The following IGSF9 variants were observed in gnomAD, a reference collection of about 807,000 sequenced individuals.
The protein encoded by IGSF9 is immunoglobulin superfamily member 9.
A neutral mutation model predicts 121.7 loss-of-function variants in IGSF9; 87 were observed. That is an observed-to-expected ratio of 0.71 (90% CI 0.60 to 0.85). IGSF9 has a LOEUF of 0.85. Among genes scored for constraint, IGSF9 ranks in the 40% least tolerant of loss-of-function variants. IGSF9 has a pLI of 0.00. For synonymous variants in IGSF9, 640 were observed against 648.4 expected, an observed-to-expected ratio of 0.99 and a Z score of 0.20; for missense variants, 1,462 against 1,565.3, an observed-to-expected ratio of 0.93 and a Z score of 1.11.
chr1:159,927,956 G>A lies in IGSF9; in HGVS notation c.3231-69C>T, dbSNP rs768477019. 5.1e-6 allele frequency: 8 copies of A among 1,562,756 alleles called. No individual in the cohort carries two copies. In the African/African-American group the frequency reaches 6.9e-5, roughly 13 times the overall value. Reference sequence around the variant, plus strand: ...GAATAGAGGCTGTTCAGAAAAGTCTGAATTCAGCGACCGCAAACTCACGTT... The same window carrying A: ...GAATAGAGGCTGTTCAGAAAAGTCTAAATTCAGCGACCGCAAACTCACGTT... On this transcript the variant is annotated intron_variant, in intron 19 of 20. Transcript: ENST00000368094.
chr1:159,936,928 C>G lies in IGSF9; in HGVS notation c.401-20G>C, dbSNP rs769240341. 16 of 1,613,064 alleles carry G rather than the reference C, an allele frequency of 9.9e-6. No homozygotes were observed. The highest frequency in any genetic ancestry group is 1.7e-4 in the Middle Eastern group (1 of 6,048). Reference sequence around the variant, plus strand: ...GGGGTGCTGCAAGGGAGACAGGCATCAGGGGCCCCAGTGGGGCTGTCAGCC... The same window carrying G: ...GGGGTGCTGCAAGGGAGACAGGCATGAGGGGCCCCAGTGGGGCTGTCAGCC... On this transcript the variant is annotated intron_variant, in intron 4 of 20. Transcript: ENST00000368094.
intron 2 of IGSF9, 90 bp downstream of exon 2, chr1:159,943,307 C>T: frequency 7.2e-7 from 1 of 1,388,778 alleles, no homozygotes; most frequent in Non-Finnish European, 9.6e-7. Context: ...CTCCCCTGCC[C>T]TCACATGCTC....
Position 159,931,973 on chromosome 1 carries a change from A to G in IGSF9, c.1246-45T>C, listed in dbSNP as rs777777298. The G allele has an allele frequency of 2.5e-6, 3 of 1,221,944 alleles. No individual in the cohort carries two copies. The highest frequency in any genetic ancestry group is 3.5e-6 in the Non-Finnish European group (3 of 852,066). 75.7% of individuals were successfully genotyped at this position (1,221,944 alleles called of 1,614,324 possible). A position where few individuals can be genotyped will look rare whatever the true frequency, so the allele number is the denominator to read the frequency against. ...TTGGGAGGGGCCCTCTCTTACATCT[A>G]AGGCTGGCTACTCCCTCTCTCTGTG... On this transcript the variant is annotated intron_variant, in intron 10 of 20. Transcript: ENST00000368094. This position sits in a 1 kb window ranked among gnomAD's most constrained non-coding sequence, Gnocchi z 4.8.
At position 159,937,848 on chromosome 1, in the gene IGSF9, G is replaced by A. The variant is rs979035294; in HGVS notation, c.248-10C>T. 6 of 1,612,152 alleles carry A rather than the reference G, an allele frequency of 3.7e-6. No homozygotes were observed. In the East Asian group the frequency reaches 6.7e-5, roughly 18 times the overall value. ...TGCAGCCGGACTCGTCCTGGGGGAG[G>A]AGCCCTGAATCAAGGGTGCTGAAGG... On this transcript the variant is annotated splice_polypyrimidine_tract_variant and intron_variant, in intron 3 of 20. Coordinates refer to ENST00000368094, the MANE Select transcript of IGSF9 (RefSeq NM_001135050.2).
chr1:159,928,697 G>A lies in IGSF9; in HGVS notation c.2691C>T (p.Pro897=), dbSNP rs1442403031. 2 of 1,478,706 alleles carry A rather than the reference G, an allele frequency of 1.4e-6. No homozygotes were observed. Among genetic ancestry groups the A allele is most frequent in the Non-Finnish European group, 1.8e-6 (2 of 1,113,134 alleles). 91.6% of individuals were successfully genotyped at this position (1,478,706 alleles called of 1,614,324 possible). A position where few individuals can be genotyped will look rare whatever the true frequency, so the allele number is the denominator to read the frequency against. ...CAGGGCTGATGTCTTCAATGCAGAG[G>A]GGCTGGGGTGCCCCACTGGGGCTGC... ...SSSSPSGAPQ[P]LCIEDISPVA... Residue 897 remains proline (P), a synonymous_variant, in exon 19 of 21, where the codon CCC becomes CCT. Coordinates refer to ENST00000368094, the MANE Select transcript of IGSF9 (RefSeq NM_001135050.2).
chr1:159,934,033 A>T, intron 9 of IGSF9, 157 bp downstream of exon 9: 1 of 861,830 alleles, frequency 1.2e-6, no homozygotes, highest in Non-Finnish European at 1.8e-6. Context: ...GGTTTTAAGT[A>T]GTTTCCTATG....
chr1:159,932,726 G>T lies in IGSF9; in HGVS notation c.1105-74C>A. The stretch of plus-strand genomic sequence containing the variant: ...AAGCCCGGGATGGCAGTACAAGAGA[G>T]GGGGCAGGATGAGAAACCCACAGCT... On this transcript the variant is annotated intron_variant, in intron 9 of 20. Transcript: ENST00000368094. This position sits in a 1 kb window ranked among gnomAD's most constrained non-coding sequence, Gnocchi z 4.1. 6.8e-7 allele frequency: 1 copy of T among 1,473,336 alleles called. No individual in the cohort carries two copies. The highest frequency in any genetic ancestry group is 2.1e-5 in the Admixed American group (1 of 48,526). The allele number at this position is 1,473,336 out of a possible 1,614,324, so 91.3% of individuals were successfully genotyped here. A position where few individuals can be genotyped will look rare whatever the true frequency, so the allele number is the denominator to read the frequency against.
Position 159,934,554 on chromosome 1 carries a change from C to A in IGSF9, c.832G>T (p.Val278Leu). The change falls in exon 8 of 21, where the codon GTG (valine) becomes TTG (leucine). Residue 278 changes from valine (V) to leucine (L), a missense_variant. Coordinates refer to ENST00000368094, the MANE Select transcript of IGSF9 (RefSeq NM_001135050.2). The stretch of plus-strand genomic sequence containing the variant: ...AGGCTCCCGTCCACCAGGATCCGCA[C>A]CCGGGGCTGCAGGCGGCTGCAATGT... ...VFHISRLQPR[V>L]RILVDGSLRL... The A allele has an allele frequency of 6.2e-7, 1 of 1,613,882 alleles. No individual in the cohort carries two copies. The highest frequency in any genetic ancestry group is 1.1e-5 in the South Asian group (1 of 91,064).
chr1:159,934,657 C>T (rs1205381259), intron 7 of IGSF9, 24 bp downstream of exon 7: 4 of 1,614,130 alleles, frequency 2.5e-6, no homozygotes, highest in South Asian at 1.1e-5. Flanking sequence ...CCCACCTCCA[C>T]CTTCCTAATG....
chr1:159,927,093 C>CAGAGAGAGAGAGAGAG lies in IGSF9; in HGVS notation c.*251_*252insCTCTCTCTCTCTCTCT. 1.9e-6 allele frequency: 1 copy of CAGAGAGAGAGAGAGAG among 535,944 alleles called. No homozygotes were observed. Among genetic ancestry groups the CAGAGAGAGAGAGAGAG allele is most frequent in the South Asian group, 2.2e-5 (1 of 44,468 alleles). 33.2% of individuals were successfully genotyped at this position (535,944 alleles called of 1,614,324 possible). ...AAAAAACTTCACACACACACACACA[C>CAGAGAGAGAGAGAGAG]ACACAGAGAGAGAGAGAGAGAGAGA... On this transcript the variant is annotated 3_prime_UTR_variant, in exon 21 of 21. Transcript: ENST00000368094.
rs762449091 is a variant in IGSF9, at chr1:159,941,003, G to A, written c.247+1960C>T. 1.1e-3 allele frequency among the ~76,000 whole-genome samples: 172 copies of A among 152,194 alleles called. 2 individuals are homozygous for A. The highest frequency in any genetic ancestry group is 6.2e-4 in the Non-Finnish European group (42 of 68,034). On this transcript the variant is annotated intron_variant, in intron 3 of 20. Coordinates refer to ENST00000368094, the MANE Select transcript of IGSF9 (RefSeq NM_001135050.2). Reference sequence around the variant, plus strand: ...AGGCACTGTGCAGGCACAGGCTGGGGCGCTTTACACACAGCAGCTAACTGA... The same window carrying A: ...AGGCACTGTGCAGGCACAGGCTGGGACGCTTTACACACAGCAGCTAACTGA...
At chr1:159,929,489 G>C (rs1021392104) in intron 17 of IGSF9, 96 bp from the exon 18 acceptor site, 5 of 1,531,618 alleles carry the variant, frequency 3.3e-6, no homozygotes, top group South Asian at 1.2e-5. Flanking sequence ...AACCCCATCC[G>C]GCTGGGAAAA....
In IGSF9 at chr1:159,929,876, A is replaced by C; in HGVS notation, c.2149+15T>G. On this transcript the variant is annotated intron_variant, in intron 16 of 20. Coordinates refer to ENST00000368094, the MANE Select transcript of IGSF9 (RefSeq NM_001135050.2). ...GGAGCAGCCCTGGGGCTCCTCCCTC[A>C]CGCCAGGTGCTCACCGGAAGTGGAG... 1 of 1,577,400 alleles carries C rather than the reference A, an allele frequency of 6.3e-7. No individual in the cohort carries two copies. Among genetic ancestry groups the C allele is most frequent in the South Asian group, 1.2e-5 (1 of 86,432 alleles).
Position 159,929,824 on chromosome 1 carries a change from G to A in IGSF9, c.2150-10C>T. The A allele has an allele frequency of 6.2e-7, 1 of 1,600,158 alleles. No individual in the cohort carries two copies. Among genetic ancestry groups the A allele is most frequent in the Non-Finnish European group, 8.5e-7 (1 of 1,174,120 alleles). On this transcript the variant is annotated splice_polypyrimidine_tract_variant and intron_variant, in intron 16 of 20. Coordinates refer to ENST00000368094, the MANE Select transcript of IGSF9 (RefSeq NM_001135050.2). Reference sequence around the variant, plus strand: ...GGGTAGACCTCCAGACCTAGGCAGGGGTCCACGAGGGAGGGTCAGTGGACT... The same window carrying A: ...GGGTAGACCTCCAGACCTAGGCAGGAGTCCACGAGGGAGGGTCAGTGGACT...
In IGSF9 at chr1:159,931,443, A is replaced by G; in HGVS notation, c.1513+10T>C. The G allele has an allele frequency of 1.2e-6, 2 of 1,610,536 alleles. No individual in the cohort carries two copies. Among genetic ancestry groups the G allele is most frequent in the Non-Finnish European group, 1.7e-6 (2 of 1,177,162 alleles). On this transcript the variant is annotated intron_variant, in intron 12 of 20. Transcript: ENST00000368094. The surrounding 1 kb of genome is among the most constrained non-coding windows in gnomAD (Gnocchi z 4.8). Reference sequence around the variant, plus strand: ...TCTCCCAGCCCCTGGCCCTCTCTCCAGCCACTAACCCAGCACGTAGACGTT... The same window carrying G: ...TCTCCCAGCCCCTGGCCCTCTCTCCGGCCACTAACCCAGCACGTAGACGTT...
chr1:159,929,675 G>C lies in IGSF9; in HGVS notation c.2289C>G (p.Arg763=). The C allele has an allele frequency of 6.3e-7, 1 of 1,595,882 alleles. No homozygotes were observed. Among genetic ancestry groups the C allele is most frequent in the Non-Finnish European group, 8.5e-7 (1 of 1,172,968 alleles). The change falls in exon 17 of 21, where the codon CGC becomes CGG. Residue 763 remains arginine (R), a synonymous_variant. Coordinates refer to ENST00000368094, the MANE Select transcript of IGSF9 (RefSeq NM_001135050.2). ...GCTTGCGGCGGCGGCGGGCAGCCCTGCGCCGGTTCAGGAGGCAGCCGGCCA... is the reference window on the plus strand; with the variant it reads ...GCTTGCGGCGGCGGCGGGCAGCCCTCCGCCGGTTCAGGAGGCAGCCGGCCA... ...SILAGCLLNR[R]RAARRRRKRL...
At position 159,931,559 on chromosome 1, in the gene IGSF9, G is replaced by C. The variant is rs371881569; in HGVS notation, c.1407C>G (p.Ser469Arg). The C allele has an allele frequency of 1.1e-5, 17 of 1,613,986 alleles. No individual in the cohort carries two copies. Among genetic ancestry groups the C allele is most frequent in the Non-Finnish European group, 1.4e-5 (17 of 1,180,002 alleles). The change falls in exon 12 of 21, where the codon AGC becomes AGG. Residue 469 changes from serine (S) to arginine (R), a missense_variant. Transcript: ENST00000368094. This position sits in a 1 kb window ranked among gnomAD's most constrained non-coding sequence, Gnocchi z 4.8. ...TGGTCAATGGTCGCAGGATGAGGCTGCTGTTGCTGTCCACCTGGGCCTGGC... is the reference window on the plus strand; with the variant it reads ...TGGTCAATGGTCGCAGGATGAGGCTCCTGTTGCTGTCCACCTGGGCCTGGC... ...LQGQAQVDSN[S>R]SLILRPLTKE...
chr1:159,943,498 C>A lies in IGSF9; in HGVS notation c.-44G>T. On this transcript the variant is annotated 5_prime_UTR_variant, in exon 2 of 21. Transcript: ENST00000368094. ...ACCCAGCCCCTCCTATCCACAGGAG[C>A]CCAGATGGAGGGGCCAAGGGATGTC... is the stretch of plus-strand genomic sequence containing the variant. The A allele has an allele frequency of 6.7e-7, 1 of 1,498,172 alleles. No homozygotes were observed. 92.8% of individuals were successfully genotyped at this position (1,498,172 alleles called of 1,614,324 possible). A position where few individuals can be genotyped will look rare whatever the true frequency, so the allele number is the denominator to read the frequency against.
rs753669966 is a variant in IGSF9, at chr1:159,931,273, G to T, written c.1514-12C>A. 1 of 1,613,968 alleles carries T rather than the reference G, an allele frequency of 6.2e-7. No homozygotes were observed. The highest frequency in any genetic ancestry group is 1.1e-5 in the South Asian group (1 of 91,086). On this transcript the variant is annotated splice_polypyrimidine_tract_variant and intron_variant, in intron 12 of 20. Transcript: ENST00000368094. This position sits in a 1 kb window ranked among gnomAD's most constrained non-coding sequence, Gnocchi z 4.8. ...ATGAGGGCTAGTGCCTAGGCAGGGG[G>T]GAATGGAGGGATGGTGGTCAGGGCC...
Sources: allele counts gnomAD v4.1 joint callset (sites outside exome capture counted in the v4.1 genomes callset), GRCh38; gene constraint gnomAD v4.1.1; non-coding constraint Gnocchi (gnomAD v3.1); transcripts MANE v1.5; gene names NCBI Gene and HGNC (gene_info 2026-07-23, HGNC 2026-07-21).